Variants in PMFBP1 observed in about 807,000 individuals in gnomAD.
PMFBP1 encodes the protein polyamine-modulated factor 1-binding protein 1.
PMFBP1 carries 131 observed loss-of-function variants against 137.8 expected under a neutral mutation model. That is an observed-to-expected ratio of 0.95 (90% CI 0.82 to 1.10). PMFBP1 has a LOEUF of 1.10. Ranked by LOEUF, PMFBP1 falls within the 50% of genes least tolerant of loss-of-function variation. The pLI is 0.00. For synonymous variants in PMFBP1, 490 were observed against 450.4 expected (o/e 1.09, Z -1.11); for missense variants, 1,199 against 1,175.4 (o/e 1.02, Z -0.29).
At chr16:72,172,393 G>A (rs993000428), upstream of PMFBP1, 5 of 150,002 alleles carry the variant, frequency 3.3e-5, no homozygotes, top group African/African-American at 1.2e-4. Context: ...AGTCAGCTGG[G>A]GCTCTGCTCC....
the PMFBP1 span, among the ~76,000 whole-genome samples, chr16:72,239,915 A>AAAG: frequency 5.2e-4 from 75 of 145,130 alleles, no homozygotes; most frequent in Non-Finnish European, 8.4e-4. Context: ...AAAAAAAAAA[A>AAAG]AAGAATGTTC....
the PMFBP1 span, among the ~76,000 whole-genome samples, chr16:72,212,405 G>T: frequency 1.1e-4 from 17 of 151,814 alleles, no homozygotes; most frequent in Non-Finnish European, 2.2e-4. Flanking sequence ...TGGTACATGT[G>T]CCAAATCCAG....
At chr16:72,131,328 G>A (rs2042546751) in intron 10 of PMFBP1, among the ~76,000 whole-genome samples, 1 of 152,212 alleles carries the variant, frequency 6.6e-6, no homozygotes, top group Admixed American at 6.5e-5. Context: ...GGATGGATGA[G>A]TGGGGCTTTG....
upstream of PMFBP1, among the ~76,000 whole-genome samples, chr16:72,175,766 C>A (rs529007475): frequency 2.0e-4 from 30 of 152,220 alleles, no homozygotes; most frequent in African/African-American, 7.2e-4. Context: ...AATGTTCTAC[C>A]TCCTACCAGT....
chr16:72,195,226 C>T, the PMFBP1 span, among the ~76,000 whole-genome samples: 1 of 152,192 alleles, frequency 6.6e-6, no homozygotes, highest in African/African-American at 2.4e-5. Context: ...CTCAATAGGT[C>T]ATCTTTGCAC....
chr16:72,154,481 C>T (rs1567636900), intron 3 of PMFBP1, 22 bp from the exon 4 acceptor site: 1 of 1,603,542 alleles, frequency 6.2e-7, no homozygotes, highest in Non-Finnish European at 8.5e-7. Flanking sequence ...ACAGGATATA[C>T]AAAAAAGGCT....
At chr16:72,236,955 T>A in the PMFBP1 span, among the ~76,000 whole-genome samples, 1 of 152,220 alleles carries the variant, frequency 6.6e-6, no homozygotes, top group East Asian at 1.9e-4. Flanking sequence ...CAAAATACTT[T>A]CATCACTTCT....
At chr16:72,230,067 T>C in the PMFBP1 span, among the ~76,000 whole-genome samples, 16 of 152,162 alleles carry the variant, frequency 1.1e-4, no homozygotes, top group African/African-American at 3.9e-4. Context: ...CCAATACCTC[T>C]TAGGGGAGCA....
At chr16:72,140,693 A>T in intron 5 of PMFBP1, 111 bp from the exon 6 acceptor site, 3 of 1,006,818 alleles carry the variant, frequency 3.0e-6, no homozygotes, top group Non-Finnish European at 4.4e-6. Flanking sequence ...ATATGTTCAT[A>T]TATGGAAATC....
chr16:72,245,113 T>A, the PMFBP1 span, among the ~76,000 whole-genome samples: 1 of 152,214 alleles, frequency 6.6e-6, no homozygotes, highest in Non-Finnish European at 1.5e-5. Context: ...AAGGGATTAA[T>A]GAGTTCAGGT....
intron 14 of PMFBP1, chr16:72,128,336 T>C: frequency 1.6e-6 from 2 of 1,273,374 alleles, no homozygotes; most frequent in Non-Finnish European, 1.0e-6. Context: ...GTTTTGGAAG[T>C]GTTCCCTAGC....
upstream of PMFBP1, among the ~76,000 whole-genome samples, chr16:72,178,481 G>A (rs992595131): frequency 1.3e-5 from 2 of 152,120 alleles, no homozygotes; most frequent in Non-Finnish European, 2.9e-5. Context: ...TCTAATGGGG[G>A]TCTTCTTTTT....
chr16:72,199,265 T>C, the PMFBP1 span, among the ~76,000 whole-genome samples: 2 of 141,088 alleles, frequency 1.4e-5, no homozygotes, highest in African/African-American at 2.8e-5. Flanking sequence ...GCTTTATGAA[T>C]GTCACTTTTA....
chr16:72,156,385 G>A (rs187313587), intron 3 of PMFBP1, among the ~76,000 whole-genome samples: 6 of 152,242 alleles, frequency 3.9e-5, no homozygotes, highest in African/African-American at 9.6e-5. Context: ...TTGGGAGGCC[G>A]ACGTGGGTGG....
At chr16:72,228,311 C>T in the PMFBP1 span, among the ~76,000 whole-genome samples, 1 of 152,188 alleles carries the variant, frequency 6.6e-6, no homozygotes, top group African/African-American at 2.4e-5. Flanking sequence ...ACGATACCTC[C>T]AAACTGCTCG....
chr16:72,138,897 C>T (rs1364023007), intron 7 of PMFBP1, among the ~76,000 whole-genome samples: 1 of 127,704 alleles, frequency 7.8e-6, no homozygotes, highest in Admixed American at 8.0e-5. Context: ...TTGAATTTTG[C>T]AAACACAGAG....
the PMFBP1 span, among the ~76,000 whole-genome samples, chr16:72,209,778 A>C: frequency 1.0e-3 from 158 of 152,292 alleles, 1 homozygote; most frequent in African/African-American, 3.5e-3. Flanking sequence ...AGACCCATAC[A>C]CGAGAAGTGA....
chr16:72,203,908 A>G, the PMFBP1 span, among the ~76,000 whole-genome samples: 1 of 152,198 alleles, frequency 6.6e-6, no homozygotes, highest in Non-Finnish European at 1.5e-5. Context: ...CACTGAGGTA[A>G]TCAGTCAGTC....
At chr16:72,225,026 T>C in the PMFBP1 span, 5 of 152,198 alleles carry the variant, frequency 3.3e-5, no homozygotes, top group African/African-American at 1.2e-4. Context: ...GTTCTATCTT[T>C]AATAATGAAG....
Sources: allele counts gnomAD v4.1 joint callset (sites outside exome capture counted in the v4.1 genomes callset), GRCh38; gene constraint gnomAD v4.1.1; transcripts MANE v1.5; gene names NCBI Gene and HGNC (gene_info 2026-07-23, HGNC 2026-07-21).